Variants in RBFOX1 observed in about 807,000 individuals in gnomAD.
RBFOX1 encodes the protein RNA binding fox-1 homolog 1, also known as RNA binding protein fox-1 homolog 1.
RBFOX1 carries 8 observed loss-of-function variants against 57.7 expected under a neutral mutation model. The observed-to-expected ratio is 0.14, with a 90% CI of 0.08 to 0.25. RBFOX1 has a LOEUF of 0.25. RBFOX1 is among the 10% of genes least tolerant of loss of function. The pLI is 1.00. For missense variants in RBFOX1, 611 were observed against 548.5 expected (o/e 1.11, Z -1.14); for synonymous variants, 326 against 222.4 (o/e 1.47, Z -4.15).
chr16:7,494,099 T>A (rs1410940154), intron 4 of RBFOX1, among the ~76,000 whole-genome samples: 1 of 152,194 alleles, frequency 6.6e-6, no homozygotes, highest in African/African-American at 2.4e-5. Context: ...GTTAGCAATG[T>A]CTAGTGGGGG....
At chr16:5,365,311 C>G (rs1260758712) in intron 1 of RBFOX1, among the ~76,000 whole-genome samples, 2 of 152,112 alleles carry the variant, frequency 1.3e-5, no homozygotes, top group Non-Finnish European at 2.9e-5. Flanking sequence ...ACATATGCAG[C>G]CACACATCTC....
chr16:6,636,692 T>C (rs2098436437), intron 2 of RBFOX1, among the ~76,000 whole-genome samples: 1 of 148,210 alleles, frequency 6.7e-6, no homozygotes, highest in Non-Finnish European at 1.5e-5. Context: ...ATTTATATTC[T>C]ATTTGATTGT....
At chr16:7,140,812 G>A (rs938329157) in intron 4 of RBFOX1, among the ~76,000 whole-genome samples, 3 of 151,980 alleles carry the variant, frequency 2.0e-5, no homozygotes, top group Admixed American at 1.3e-4. Context: ...TGCTCATAAT[G>A]GATTTCAAAG....
At chr16:5,642,988 C>A (rs527947044) in intron 3 of RBFOX1, among the ~76,000 whole-genome samples, 1 of 152,324 alleles carries the variant, frequency 6.6e-6, no homozygotes, top group East Asian at 1.9e-4. Flanking sequence ...ACCGCCTCTC[C>A]TGAGCACGAC....
At chr16:7,153,751 A>C (rs913732243) in intron 4 of RBFOX1, among the ~76,000 whole-genome samples, 18 of 151,272 alleles carry the variant, frequency 1.2e-4, no homozygotes, top group Non-Finnish European at 2.5e-4. Flanking sequence ...ATAAGGAAAG[A>C]AAGAAAGGAA....
At chr16:6,654,744 G>A (rs2098634182) in intron 3 of RBFOX1, 94 bp downstream of exon 3, 1 of 908,288 alleles carries the variant, frequency 1.1e-6, no homozygotes, top group Non-Finnish European at 1.6e-6. Context: ...CTCGATGATG[G>A]TTTTTAGGTG....
At chr16:7,613,077 G>A (rs1431033406) in intron 10 of RBFOX1, among the ~76,000 whole-genome samples, 1 of 152,146 alleles carries the variant, frequency 6.6e-6, no homozygotes, top group Non-Finnish European at 1.5e-5. Flanking sequence ...GATATAGTTA[G>A]GTCCCAGAGA....
intron 4 of RBFOX1, among the ~76,000 whole-genome samples, chr16:7,438,704 G>A (rs1598425070): frequency 6.6e-6 from 1 of 152,334 alleles, no homozygotes; most frequent in African/African-American, 2.4e-5. Context: ...CGGCTTCAGA[G>A]AGGGTTTCCA....
chr16:5,495,511 C>A (rs1219889245), intron 2 of RBFOX1, among the ~76,000 whole-genome samples: 1 of 152,180 alleles, frequency 6.6e-6, no homozygotes, highest in African/African-American at 2.4e-5. Context: ...TTGGTGGGAT[C>A]ACAGAGCCAA....
chr16:5,534,387 C>G (rs1224054137), intron 2 of RBFOX1, among the ~76,000 whole-genome samples: 1 of 152,088 alleles, frequency 6.6e-6, no homozygotes, highest in African/African-American at 2.4e-5. Context: ...AGAAGGAAGC[C>G]AATAGTGGCT....
intron 10 of RBFOX1, among the ~76,000 whole-genome samples, chr16:7,613,860 C>T (rs890693723): frequency 6.6e-6 from 1 of 152,100 alleles, no homozygotes; most frequent in African/African-American, 2.4e-5. Context: ...TGTCTAGAAC[C>T]CACCTTTGAT....
intron 2 of RBFOX1, among the ~76,000 whole-genome samples, chr16:6,400,744 A>G (rs1485274767): frequency 6.6e-6 from 1 of 152,246 alleles, no homozygotes; most frequent in East Asian, 1.9e-4. Flanking sequence ...CAAAAAATTC[A>G]GAAGTTAACC....
At chr16:6,921,627 A>G (rs1350416336) in intron 3 of RBFOX1, among the ~76,000 whole-genome samples, 2 of 120,434 alleles carry the variant, frequency 1.7e-5, no homozygotes, top group Admixed American at 7.8e-5. Flanking sequence ...AAATTACTGT[A>G]TATATATATA....
chr16:6,768,140 T>G (rs1247578242), intron 3 of RBFOX1, among the ~76,000 whole-genome samples: 1 of 151,888 alleles, frequency 6.6e-6, no homozygotes, highest in East Asian at 1.9e-4. Context: ...GAGGTTGCAG[T>G]GAGCAGAGAT....
At chr16:7,088,062 C>G (rs1394810136) in intron 4 of RBFOX1, among the ~76,000 whole-genome samples, 1 of 152,126 alleles carries the variant, frequency 6.6e-6, no homozygotes, top group Non-Finnish European at 1.5e-5. Context: ...GGAGTTCAGG[C>G]AAGACCTGGT....
chr16:7,702,471 C>T (rs566220234), intron 14 of RBFOX1, among the ~76,000 whole-genome samples: 11 of 152,286 alleles, frequency 7.2e-5, no homozygotes, highest in Admixed American at 1.3e-4. Flanking sequence ...GCTGCATTTT[C>T]ATTTAGTGAC....
intron 4 of RBFOX1, among the ~76,000 whole-genome samples, chr16:7,487,500 T>G (rs1004638781): frequency 6.6e-6 from 1 of 152,180 alleles, no homozygotes; most frequent in Non-Finnish European, 1.5e-5. Flanking sequence ...TAAATATTAG[T>G]TGAGTAAATG....
At chr16:7,198,541 C>T (rs1454061040) in intron 4 of RBFOX1, among the ~76,000 whole-genome samples, 5 of 152,148 alleles carry the variant, frequency 3.3e-5, no homozygotes, top group African/African-American at 1.2e-4. Flanking sequence ...GACTGGGTAA[C>T]TTAAAAGCAA....
intron 3 of RBFOX1, among the ~76,000 whole-genome samples, chr16:6,884,475 C>T (rs1603636442): frequency 6.6e-6 from 1 of 152,180 alleles, no homozygotes; most frequent in Non-Finnish European, 1.5e-5. Flanking sequence ...TTAGTGGCTA[C>T]AAACTGTTAA....
Sources: gnomAD v4.1 joint callset for allele counts (sites outside exome capture counted in the v4.1 genomes callset) on GRCh38, gnomAD v4.1.1 for gene constraint, MANE v1.5 for transcripts, NCBI Gene and HGNC (gene_info 2026-07-23, HGNC 2026-07-21) for gene names.